The following DNM3 variants were observed in gnomAD, a reference collection of about 807,000 sequenced individuals.
The protein encoded by DNM3 is dynamin-3.
A neutral mutation model predicts 101.6 loss-of-function variants in DNM3; 47 were observed. That is an observed-to-expected ratio of 0.46 (90% CI 0.37 to 0.59). The LOEUF (loss-of-function observed/expected upper bound fraction) is 0.59. Ranked by LOEUF, DNM3 falls within the 20% of genes least tolerant of loss-of-function variation. The pLI is 0.00. For synonymous variants in DNM3, 385 were observed against 387.9 expected (o/e 0.99, Z 0.09); for missense variants, 849 against 1,085.7 (o/e 0.78, Z 3.06).
In DNM3 at chr1:171,902,747, T is replaced by G. The variant is rs147953936; in HGVS notation, c.162-19001T>G. ...TGACATGTTATGACATGTTGTTAGG[T>G]GTTTATCAAGGATTGGAAATTCCAA... On this transcript the variant is annotated intron_variant, in intron 1 of 20. Coordinates refer to ENST00000627582, the MANE Select transcript of DNM3 (RefSeq NM_015569.5). Among the ~76,000 whole-genome samples the G allele has an allele frequency of 3.8e-4, 58 of 152,294 alleles. 1 individual carries two copies. Among genetic ancestry groups the G allele is most frequent in the East Asian group, 3.7e-3 (19 of 5,186 alleles).
At chr1:172,294,344 AG>A (rs199883426) in intron 15 of DNM3, among the ~76,000 whole-genome samples, 2,172 of 152,278 alleles carry the variant, frequency 0.014, 49 homozygotes, top group African/African-American at 0.05. Flanking sequence ...AAAATGAAAA[AG>A]GTGGTTTAAA....
chr1:172,008,442 C>T (rs2046843908), intron 4 of DNM3, among the ~76,000 whole-genome samples: 2 of 151,904 alleles, frequency 1.3e-5, no homozygotes, highest in Admixed American at 1.3e-4. Context: ...TTTTTCAGCA[C>T]CATTTATTGA....
intron 14 of DNM3, among the ~76,000 whole-genome samples, chr1:172,160,579 C>A (rs1407456481): frequency 6.6e-6 from 1 of 151,994 alleles, no homozygotes; most frequent in Admixed American, 6.6e-5. Flanking sequence ...GTGGCAGTAA[C>A]ATGCATGGAA....
chr1:171,987,464 T>C (rs984164579), intron 2 of DNM3, among the ~76,000 whole-genome samples, 192 bp from the exon 3 acceptor site: 1 of 152,354 alleles, frequency 6.6e-6, no homozygotes, highest in South Asian at 2.1e-4. Context: ...ATTTAGCATC[T>C]ATAGCATTTG....
intron 17 of DNM3, among the ~76,000 whole-genome samples, chr1:172,359,627 TAAAAA>T (rs11463354): frequency 7.0e-6 from 1 of 142,090 alleles, no homozygotes; most frequent in Non-Finnish European, 1.6e-5. Context: ...TTCAGAAAAA[TAAAAA>T]AAAAAAAACC....
intron 2 of DNM3, among the ~76,000 whole-genome samples, chr1:171,923,997 G>A (rs2040371423): frequency 6.6e-6 from 1 of 152,124 alleles, no homozygotes; most frequent in South Asian, 2.1e-4. Context: ...CCATGTTGCT[G>A]TGAAGGACAT....
intron 1 of DNM3, among the ~76,000 whole-genome samples, chr1:171,872,689 G>C (rs1409955653): frequency 1.3e-5 from 2 of 152,050 alleles, no homozygotes. Context: ...TTTTCTCCTA[G>C]TCCCTATCTG....
chr1:172,111,493 A>G (rs2055475544), intron 13 of DNM3, among the ~76,000 whole-genome samples: 1 of 152,244 alleles, frequency 6.6e-6, no homozygotes, highest in South Asian at 2.1e-4. Context: ...TACAAAATCT[A>G]TTTGAATTTA....
chr1:172,016,021 CAAA>C (rs55970040), intron 4 of DNM3, among the ~76,000 whole-genome samples: 137 of 136,142 alleles, frequency 1.0e-3, no homozygotes, highest in African/African-American at 2.9e-3. Context: ...ACTAAAATTA[CAAA>C]AAAAAAAAAA....
At chr1:172,354,885 G>C (rs1388233760) in intron 17 of DNM3, among the ~76,000 whole-genome samples, 1 of 152,062 alleles carries the variant, frequency 6.6e-6, no homozygotes, top group Non-Finnish European at 1.5e-5. Context: ...CCTACAGTAA[G>C]CCAGGACACT....
intron 11 of DNM3, among the ~76,000 whole-genome samples, chr1:172,071,086 C>T (rs866775924): frequency 1.2e-4 from 8 of 65,074 alleles, no homozygotes; most frequent in South Asian, 5.7e-4. Context: ...CAAGACCCTG[C>T]ATATATATAT....
intron 14 of DNM3, among the ~76,000 whole-genome samples, chr1:172,180,062 C>T (rs1304281133): frequency 6.6e-6 from 1 of 152,116 alleles, no homozygotes; most frequent in East Asian, 1.9e-4. Flanking sequence ...GCAGCATTGC[C>T]TTCTGTTACC....
chr1:172,368,943 A>G (rs1351254489), intron 17 of DNM3, among the ~76,000 whole-genome samples: 1 of 151,952 alleles, frequency 6.6e-6, no homozygotes. Context: ...AAGAAATGGA[A>G]AACTTGAACA....
intron 4 of DNM3, among the ~76,000 whole-genome samples, chr1:172,010,246 T>C (rs2047018284): frequency 6.6e-6 from 1 of 151,908 alleles, no homozygotes; most frequent in Non-Finnish European, 1.5e-5. Context: ...ATGTTAAAAA[T>C]GAGAAAGAAA....
At chr1:172,222,040 A>G (rs1251484763) in intron 14 of DNM3, among the ~76,000 whole-genome samples, 3 of 152,268 alleles carry the variant, frequency 2.0e-5, no homozygotes, top group Middle Eastern at 3.4e-3. Flanking sequence ...CAATGGGAAT[A>G]GATAAGGAGA....
intron 8 of DNM3, among the ~76,000 whole-genome samples, chr1:172,044,176 C>T (rs898824144): frequency 6.6e-6 from 1 of 152,156 alleles, no homozygotes; most frequent in Non-Finnish European, 1.5e-5. Context: ...AGTTAAAATC[C>T]ACTGCCCCCA....
At chr1:171,841,936 G>T (rs1314248276) in intron 1 of DNM3, 119 bp downstream of exon 1, 47 of 1,336,996 alleles carry the variant, frequency 3.5e-5, no homozygotes, top group Non-Finnish European at 4.6e-5. Context: ...GCGGTGGAAT[G>T]GGGGGCAGAG....
At chr1:171,922,040 TAAA>T (rs1036603346) in intron 2 of DNM3, among the ~76,000 whole-genome samples, 1 of 152,104 alleles carries the variant, frequency 6.6e-6, no homozygotes, top group Non-Finnish European at 1.5e-5. Context: ...AATACCTACT[TAAA>T]AAAATGTTTT....
chr1:172,318,288 T>C (rs1044057568), intron 16 of DNM3, among the ~76,000 whole-genome samples: 1 of 151,796 alleles, frequency 6.6e-6, no homozygotes, highest in Non-Finnish European at 1.5e-5. Context: ...TCATACTGAA[T>C]GGGCAAAAAC....
Sources: allele counts gnomAD v4.1 joint callset (sites outside exome capture counted in the v4.1 genomes callset), GRCh38; gene constraint gnomAD v4.1.1; transcripts MANE v1.5; gene names NCBI Gene and HGNC (gene_info 2026-07-23, HGNC 2026-07-21).